The following MTMR12 variants were observed in gnomAD, a reference collection of about 807,000 sequenced individuals.
MTMR12 encodes the protein myotubularin-related protein 12.
MTMR12 carries 33 observed loss-of-function variants against 96.7 expected under a neutral mutation model. That is an observed-to-expected ratio of 0.34 (90% CI 0.26 to 0.46). The LOEUF (loss-of-function observed/expected upper bound fraction) is 0.46, where lower values mean the gene tolerates loss of function less well. Ranked by LOEUF, MTMR12 falls within the 20% of genes least tolerant of loss-of-function variation. The probability of loss-of-function intolerance (pLI) is 1.00; values close to 1 mark genes in which losing one functional copy is unlikely to be tolerated. For synonymous variants in MTMR12, 298 were observed against 327.2 expected (o/e 0.91, Z 0.96); for missense variants, 721 against 896.1 (o/e 0.80, Z 2.49).
Position 32,248,090 on chromosome 5 carries a change from A to C in MTMR12, c.933T>G (p.Ile311Met). The C allele has an allele frequency of 6.2e-7, 1 of 1,614,066 alleles. No homozygotes were observed. The highest frequency in any genetic ancestry group is 8.5e-7 in the Non-Finnish European group (1 of 1,179,918). ...YKTIHRPPYEIVKTEDLSSNF... is the reference protein window; with the variant it reads ...YKTIHRPPYEMVKTEDLSSNF... ...TGCTTGACAGGTCTTCCGTTTTAAC[A>C]ATTTCATAGGGTGGCCTGTGGATGG... Residue 311 changes from isoleucine to methionine, a missense_variant, in exon 10 of 16, where the codon ATT (isoleucine) becomes ATG (methionine). Transcript: ENST00000382142.
chr5:32,301,832 T>A (rs1037450863), intron 1 of MTMR12, among the ~76,000 whole-genome samples: 4 of 152,064 alleles, frequency 2.6e-5, no homozygotes, highest in African/African-American at 9.7e-5. Flanking sequence ...AGGCAGAGAT[T>A]GTGCCACAGC....
chr5:32,295,896 G>C (rs1750901768), intron 1 of MTMR12, among the ~76,000 whole-genome samples: 1 of 152,080 alleles, frequency 6.6e-6, no homozygotes, highest in South Asian at 2.1e-4. Flanking sequence ...GCTCATTCCT[G>C]TAATCCCAGC....
intron 11 of MTMR12, among the ~76,000 whole-genome samples, chr5:32,243,175 A>G (rs1223564243): frequency 1.3e-5 from 2 of 152,236 alleles, no homozygotes; most frequent in South Asian, 4.1e-4. Flanking sequence ...CAAGATTAAA[A>G]AAGGTATTCA....
chr5:32,237,054 G>C (rs1424830204), intron 13 of MTMR12, among the ~76,000 whole-genome samples: 1 of 152,180 alleles, frequency 6.6e-6, no homozygotes, highest in Non-Finnish European at 1.5e-5. Flanking sequence ...ATCTTGCTCA[G>C]TGAGAGAGAC....
At chr5:32,257,157 A>G (rs949195940) in intron 7 of MTMR12, among the ~76,000 whole-genome samples, 7 of 151,960 alleles carry the variant, frequency 4.6e-5, no homozygotes, top group African/African-American at 1.7e-4. Flanking sequence ...GTGAGACCCC[A>G]TCTCCACAAA....
chr5:32,263,183 G>C lies in MTMR12; in HGVS notation c.643C>G (p.Leu215Val), dbSNP rs1749439653. 6.2e-7 allele frequency: 1 copy of C among 1,614,046 alleles called. No individual in the cohort carries two copies. The highest frequency in any genetic ancestry group is 1.7e-5 in the Admixed American group (1 of 59,992). Residue 215 changes from leucine to valine, a missense_variant, in exon 7 of 16, where the codon CTG becomes GTG. Transcript: ENST00000382142. ...FDTLKDWCWE[L>V]ERTKGNMKYK... ...TTCATGTTGCCTTTGGTCCGTTCCA[G>C]TTCCCAACACCAGTCCTTAAGTGTG...
chr5:32,290,593 A>T (rs946367317), intron 1 of MTMR12, among the ~76,000 whole-genome samples: 1 of 152,208 alleles, frequency 6.6e-6, no homozygotes, highest in Admixed American at 6.5e-5. Flanking sequence ...GTGTTACTCC[A>T]GCCCATTTAT....
intron 1 of MTMR12, among the ~76,000 whole-genome samples, chr5:32,296,675 C>T (rs1024183695): frequency 6.6e-6 from 1 of 151,658 alleles, no homozygotes; most frequent in African/African-American, 2.4e-5. Context: ...GTAACACGTG[C>T]CTGTAGTCTC....
Position 32,233,693 on chromosome 5 carries a change from C to T in MTMR12, c.1674+80G>A. 3 of 1,584,330 alleles carry T rather than the reference C, an allele frequency of 1.9e-6. No individual in the cohort carries two copies. The highest frequency in any genetic ancestry group is 1.7e-6 in the Non-Finnish European group (2 of 1,159,042). ...TCGAGGGGTAGAAAATGCTGGCAGACAGAATCCGTAAGTACCTTTTATCAT... is the reference window on the plus strand; with the variant it reads ...TCGAGGGGTAGAAAATGCTGGCAGATAGAATCCGTAAGTACCTTTTATCAT... On this transcript the variant is annotated intron_variant, in intron 15 of 15. Coordinates refer to ENST00000382142, the MANE Select transcript of MTMR12 (RefSeq NM_001040446.3). This position sits in a 1 kb window ranked among gnomAD's most constrained non-coding sequence, Gnocchi z 5.0.
At chr5:32,248,428 GT>G (rs201645685) in intron 9 of MTMR12, among the ~76,000 whole-genome samples, 2 of 130,960 alleles carry the variant, frequency 1.5e-5, no homozygotes, top group East Asian at 4.7e-4. Flanking sequence ...TCTACTTTGG[GT>G]TTTTTTTGCT....
intron 7 of MTMR12, among the ~76,000 whole-genome samples, chr5:32,260,403 G>GAA (rs1292274662): frequency 6.6e-6 from 1 of 151,666 alleles, no homozygotes; most frequent in Non-Finnish European, 1.5e-5. Context: ...GGTCTGGAGT[G>GAA]AAACAAACCA....
At chr5:32,311,896 ATTTCT>A (rs756907623) in intron 1 of MTMR12, among the ~76,000 whole-genome samples, 1 of 152,052 alleles carries the variant, frequency 6.6e-6, no homozygotes, top group Non-Finnish European at 1.5e-5. Flanking sequence ...GAGGAAAAAG[ATTTCT>A]TTTCTTTCCC....
chr5:32,307,160 C>T (rs931758194), intron 1 of MTMR12, among the ~76,000 whole-genome samples: 4 of 151,994 alleles, frequency 2.6e-5, no homozygotes, highest in South Asian at 2.1e-4. Context: ...GAATACACTC[C>T]GAGTTGTTTA....
At chr5:32,273,826 A>G (rs186022248) in intron 3 of MTMR12, among the ~76,000 whole-genome samples, 154 bp downstream of exon 3, 38 of 152,330 alleles carry the variant, frequency 2.5e-4, no homozygotes, top group African/African-American at 8.7e-4. Flanking sequence ...ATTCCCCCCA[A>G]ACTTCACCAA....
chr5:32,242,246 T>TC (rs1307270387), intron 11 of MTMR12, 119 bp from the exon 12 acceptor site: 3 of 583,642 alleles, frequency 5.1e-6, no homozygotes, highest in Non-Finnish European at 8.5e-6. Context: ...TTTTTTTTTT[T>TC]CCACGCTAAA....
chr5:32,235,177 G>A (rs761911058), intron 13 of MTMR12, 48 bp from the exon 14 acceptor site: 3 of 1,562,210 alleles, frequency 1.9e-6, no homozygotes, highest in South Asian at 1.2e-5. Flanking sequence ...CCCAGAGCAA[G>A]CCATCCTGAG....
chr5:32,298,896 T>G (rs1371972860), intron 1 of MTMR12, among the ~76,000 whole-genome samples: 1 of 142,356 alleles, frequency 7.0e-6, no homozygotes, highest in African/African-American at 2.7e-5. Flanking sequence ...GAGCTTGCAG[T>G]GAGCCGAGAT....
At chr5:32,237,406 C>T (rs751565337) in intron 13 of MTMR12, among the ~76,000 whole-genome samples, 15 of 152,310 alleles carry the variant, frequency 9.8e-5, no homozygotes, top group Admixed American at 1.3e-4. Context: ...GAGGTCCAGG[C>T]CTGGAGCGAT....
intron 1 of MTMR12, among the ~76,000 whole-genome samples, chr5:32,299,435 T>C (rs899816694): frequency 2.7e-5 from 4 of 148,172 alleles, no homozygotes; most frequent in Admixed American, 2.0e-4. Flanking sequence ...GTGGCAGTTA[T>C]GGGGCTGTCA....
Sources: allele counts gnomAD v4.1 joint callset (sites outside exome capture counted in the v4.1 genomes callset), GRCh38; gene constraint gnomAD v4.1.1; non-coding constraint Gnocchi (gnomAD v3.1); transcripts MANE v1.5; gene names NCBI Gene and HGNC (gene_info 2026-07-23, HGNC 2026-07-21).